Variants in SLC17A9 observed in about 807,000 individuals in gnomAD.
The protein encoded by SLC17A9 is voltage-gated purine nucleotide uniporter SLC17A9.
A neutral mutation model predicts 55.0 loss-of-function variants in SLC17A9; 49 were observed. That is an observed-to-expected ratio of 0.89 (90% CI 0.71 to 1.13). SLC17A9 has a LOEUF of 1.13. Ranked by LOEUF, SLC17A9 falls within the 50% of genes most tolerant of loss-of-function variation. The pLI, the probability that SLC17A9 is intolerant of heterozygous loss-of-function variation, is 0.00. For synonymous variants in SLC17A9, 256 were observed against 247.4 expected (o/e 1.03, Z -0.32); for missense variants, 526 against 569.3 (o/e 0.92, Z 0.77).
chr20:62,955,486 T>TG (rs1209886514), intron 1 of SLC17A9, among the ~76,000 whole-genome samples: 13 of 152,146 alleles, frequency 8.5e-5, no homozygotes, highest in African/African-American at 2.9e-4. Flanking sequence ...TGTTTTGTTT[T>TG]TTTTTGTAGA....
intron 12 of SLC17A9, 22 bp from the exon 13 acceptor site, chr20:62,967,315 C>A (rs199530244): frequency 6.2e-7 from 1 of 1,613,220 alleles, no homozygotes; most frequent in Non-Finnish European, 8.5e-7. Flanking sequence ...GCACTCAGCC[C>A]GCCTGGCCCT....
rs771374280 is a variant in SLC17A9 at position 62,965,125 on chromosome 20, C to A, written c.911-7C>A. 3 of 1,614,070 alleles carry A rather than the reference C, an allele frequency of 1.9e-6. No individual in the cohort carries two copies. In the South Asian group the frequency reaches 3.3e-5, roughly 18 times the overall value. Reference sequence around the variant, plus strand: ...ACGGGAGCCCCTTCCTTGGCCTCCCCCTGTAGGTTACAGAGCCATCACGGT... The same window carrying A: ...ACGGGAGCCCCTTCCTTGGCCTCCCACTGTAGGTTACAGAGCCATCACGGT... On this transcript the variant is annotated splice_polypyrimidine_tract_variant and splice_region_variant and intron_variant, in intron 8 of 12. Transcript: ENST00000370351.
chr20:62,959,913 G>A (rs569745634), intron 3 of SLC17A9, among the ~76,000 whole-genome samples: 2 of 152,358 alleles, frequency 1.3e-5, no homozygotes, highest in South Asian at 4.1e-4. Flanking sequence ...AGCTGCATGG[G>A]GTGGTAAGGT....
chr20:62,955,072 T>C (rs1415861631), intron 1 of SLC17A9, among the ~76,000 whole-genome samples: 1 of 152,032 alleles, frequency 6.6e-6, no homozygotes, highest in African/African-American at 2.4e-5. Context: ...GCGATCCTCC[T>C]ACTTCAGCCT....
At chr20:62,953,235 A>T in intron 1 of SLC17A9, 1 of 1,550,166 alleles carries the variant, frequency 6.5e-7, no homozygotes, top group Non-Finnish European at 8.7e-7. Context: ...TGTATGCATG[A>T]CCCTGACAAG....
At chr20:62,963,125 G>T in intron 5 of SLC17A9, 148 bp from the exon 6 acceptor site, 1 of 799,238 alleles carries the variant, frequency 1.3e-6, no homozygotes, top group Middle Eastern at 2.2e-4. Flanking sequence ...GGTAGGGGAG[G>T]CCAAGGGAGG....
chr20:62,964,132 G>C, intron 7 of SLC17A9, 96 bp from the exon 8 acceptor site: 6 of 1,248,718 alleles, frequency 4.8e-6, no homozygotes, highest in Non-Finnish European at 7.1e-6. Flanking sequence ...TTCCTGGGCA[G>C]TGGTGGGCAC....
Position 62,956,897 on chromosome 20 carries a change from C to A in SLC17A9, c.192C>A (p.Ile64=). The A allele has an allele frequency of 6.2e-7, 1 of 1,613,652 alleles. No individual in the cohort carries two copies. The highest frequency in any genetic ancestry group is 2.2e-5 in the East Asian group (1 of 44,886). Residue 64 remains isoleucine (I), a synonymous_variant, in exon 2 of 13, where the codon ATC becomes ATA. Coordinates refer to ENST00000370351, the MANE Select transcript of SLC17A9 (RefSeq NM_022082.4). ...GCTGGAACAAGAAGGAGGCCGGCAT[C>A]GTGCTCAGCAGCTTCTTCTGGGGCT... ...DFGWNKKEAG[I]VLSSFFWGYC...
At position 62,966,527 on chromosome 20, in the gene SLC17A9, G is replaced by T; in HGVS notation, c.1064G>T (p.Gly355Val). The change falls in exon 11 of 13, where the codon GGC (glycine) becomes GTC (valine). Residue 355 changes from glycine to valine, a missense_variant and splice_region_variant. Physicochemically the swap from Gly to Val is moderately radical, Grantham distance 109 (BLOSUM62 -3). Transcript: ENST00000370351. ...ACCACCCTCTTTCCTCCCCACAGTG[G>T]CATTTCTGTTAACATCCAGGACTTG... ...SIGLQTFNHS[G>V]ISVNIQDLAP... 2.5e-6 allele frequency: 4 copies of T among 1,613,940 alleles called. No homozygotes were observed. The highest frequency in any genetic ancestry group is 3.4e-6 in the Non-Finnish European group (4 of 1,179,894).
intron 3 of SLC17A9, among the ~76,000 whole-genome samples, chr20:62,960,240 G>A (rs1194840129): frequency 6.6e-6 from 1 of 152,232 alleles, no homozygotes; most frequent in Admixed American, 6.5e-5. Flanking sequence ...GTGCATGTGC[G>A]TGTTCGCGGG....
At chr20:62,966,868 C>A in intron 12 of SLC17A9, 136 bp downstream of exon 12, 2 of 1,133,496 alleles carry the variant, frequency 1.8e-6, no homozygotes, top group Admixed American at 2.6e-5. Flanking sequence ...CCAGAGCAGG[C>A]CCAGGAGAGG....
intron 2 of SLC17A9, 103 bp from the exon 3 acceptor site, chr20:62,957,338 C>A (rs966663334): frequency 1.3e-6 from 2 of 1,500,608 alleles, no homozygotes; most frequent in Admixed American, 2.3e-5. Flanking sequence ...GGCAGACAGG[C>A]CAGGCCCAGC....
chr20:62,963,469 C>CTAG (rs2065606836), intron 6 of SLC17A9, 100 bp downstream of exon 6: 1 of 1,511,196 alleles, frequency 6.6e-7, no homozygotes. Flanking sequence ...CCAGCAGGGC[C>CTAG]TAGGGCTCAG....
At chr20:62,957,800 C>CGT (rs2065552321) in intron 3 of SLC17A9, among the ~76,000 whole-genome samples, 1 of 108,156 alleles carries the variant, frequency 9.2e-6, no homozygotes, top group Non-Finnish European at 1.9e-5. Flanking sequence ...TGTGTGTGTG[C>CGT]GTGTGCAAGT....
chr20:62,953,143 C>A, intron 1 of SLC17A9: 1 of 1,518,624 alleles, frequency 6.6e-7, no homozygotes, highest in Non-Finnish European at 8.9e-7. Context: ...GGGGCTCTTC[C>A]AGGCAGGGCT....
chr20:62,966,407 T>C, intron 10 of SLC17A9, 118 bp from the exon 11 acceptor site: 1 of 1,158,064 alleles, frequency 8.6e-7, no homozygotes, highest in South Asian at 1.4e-5. Flanking sequence ...GGCCTGAGCG[T>C]GTCCCAGCCC....
chr20:62,960,644 G>A (rs2065581780), intron 4 of SLC17A9, 41 bp downstream of exon 4: 2 of 1,573,334 alleles, frequency 1.3e-6, no homozygotes, highest in Admixed American at 3.6e-5. Flanking sequence ...GAGGCCACCA[G>A]GTGAGCCCCT....
intron 5 of SLC17A9, 152 bp from the exon 6 acceptor site, chr20:62,963,121 G>T: frequency 1.3e-6 from 1 of 768,940 alleles, no homozygotes; most frequent in Non-Finnish European, 2.2e-6. Flanking sequence ...GTCTGGTAGG[G>T]GAGGCCAAGG....
chr20:62,966,352 G>A (rs545993119), intron 10 of SLC17A9, among the ~76,000 whole-genome samples, 173 bp from the exon 11 acceptor site: 53 of 151,662 alleles, frequency 3.5e-4, no homozygotes, highest in South Asian at 1.9e-3. Flanking sequence ...GTTGGGGCTC[G>A]GGTTGGCGTG....
Sources: allele counts gnomAD v4.1 joint callset (sites outside exome capture counted in the v4.1 genomes callset), GRCh38; gene constraint gnomAD v4.1.1; transcripts MANE v1.5; gene names NCBI Gene and HGNC (gene_info 2026-07-23, HGNC 2026-07-21).